Variants in PEX1 observed in about 807,000 individuals in gnomAD.
PEX1 encodes peroxisomal biogenesis factor 1, also known as peroxisomal ATPase PEX1.
A neutral mutation model predicts 152.5 loss-of-function variants in PEX1; 97 were observed. The observed-to-expected ratio is 0.64, with a 90% CI of 0.54 to 0.75. The LOEUF is 0.75. PEX1 is among the 30% of genes least tolerant of loss of function. PEX1 has a pLI of 0.00. For synonymous variants in PEX1, 485 were observed against 531.6 expected (o/e 0.91, Z 1.21); for missense variants, 1,357 against 1,516.3 (o/e 0.89, Z 1.74).
intron 9 of PEX1, 34 bp downstream of exon 9, chr7:92,509,295 T>G: frequency 1.4e-6 from 2 of 1,391,100 alleles, no homozygotes; most frequent in Non-Finnish European, 2.0e-6. Context: ...GTTAAAAACA[T>G]GTCTAACATG....
rs544769885 is a variant in PEX1, at chr7:92,504,174, A to G, written c.2071+558T>C. 6.5e-4 allele frequency among the ~76,000 whole-genome samples: 99 copies of G among 151,880 alleles called. No individual in the cohort carries two copies. The South Asian group carries it at 0.02, about 30-fold the overall frequency. ...AGTTTAGGTTATATGCTCCTACACT[A>G]CTCTGTGTATACTTCTCGCATAGTG... On this transcript the variant is annotated intron_variant, in intron 12 of 23. Transcript: ENST00000248633.
intron 1 of PEX1, among the ~76,000 whole-genome samples, chr7:92,523,855 A>G (rs1422171337): frequency 6.6e-6 from 1 of 152,004 alleles, no homozygotes; most frequent in Non-Finnish European, 1.5e-5. Flanking sequence ...TTATTATATC[A>G]GGAAGCTTCA....
chr7:92,517,371 A>T lies in PEX1; in HGVS notation c.1144T>A (p.Cys382Ser), dbSNP rs1236764060. Residue 382 changes from cysteine (C) to serine (S), a missense_variant, in exon 5 of 24, where the codon TGT (cysteine) becomes AGT (serine). Cys to Ser is a moderately radical substitution (Grantham distance 112, BLOSUM62 -1). Transcript: ENST00000248633. ...SDHNEEDEKA[C>S]VLQVVWNGLE... ...CCATTCCAGACTACTTGTAGCACAC[A>T]GGCCTTCTCATCTTCTTCATTATGA... is the stretch of plus-strand genomic sequence containing the variant. 6.2e-7 allele frequency: 1 copy of T among 1,613,570 alleles called. No individual in the cohort carries two copies. The highest frequency in any genetic ancestry group is 8.5e-7 in the Non-Finnish European group (1 of 1,179,748).
chr7:92,518,676 T>C (rs1792917367), intron 3 of PEX1, among the ~76,000 whole-genome samples: 1 of 152,188 alleles, frequency 6.6e-6, no homozygotes, highest in South Asian at 2.1e-4. Flanking sequence ...CTCAAGCGAT[T>C]CTCCTGCCTC....
At chr7:92,515,025 C>T (rs1299460016) in intron 5 of PEX1, among the ~76,000 whole-genome samples, 2 of 135,808 alleles carry the variant, frequency 1.5e-5, no homozygotes, top group Non-Finnish European at 3.1e-5. Context: ...CCGGCCTGGG[C>T]GACAGAGTGA....
intron 23 of PEX1, among the ~76,000 whole-genome samples, chr7:92,488,405 T>C (rs1180324019): frequency 6.6e-6 from 1 of 152,114 alleles, no homozygotes; most frequent in Non-Finnish European, 1.5e-5. Flanking sequence ...TAACAAAAGG[T>C]AGCAGCTTCT....
chr7:92,521,820 T>C (rs1793062803), intron 2 of PEX1, among the ~76,000 whole-genome samples: 1 of 152,156 alleles, frequency 6.6e-6, no homozygotes, highest in Non-Finnish European at 1.5e-5. Context: ...AAGTAGAACC[T>C]AGTAATTCAG....
rs528728841 is a variant in PEX1 at position 92,487,036 on chromosome 7, T to A, written c.*421A>T. 1 of 154,366 alleles carries A rather than the reference T, an allele frequency of 6.5e-6. No individual in the cohort carries two copies. Among genetic ancestry groups the A allele is most frequent in the East Asian group, 1.9e-4 (1 of 5,260 alleles). 9.6% of individuals were successfully genotyped at this position (154,366 alleles called of 1,614,324 possible). A position where few individuals can be genotyped will look rare whatever the true frequency, so the allele number is the denominator to read the frequency against. On this transcript the variant is annotated 3_prime_UTR_variant, in exon 24 of 24. Coordinates refer to ENST00000248633, the MANE Select transcript of PEX1 (RefSeq NM_000466.3). ...AACAGATAATTGTATCAGTAGGTAATAGGATATTTTATTTCAAAACAGTGA... is the reference window on the plus strand; with the variant it reads ...AACAGATAATTGTATCAGTAGGTAAAAGGATATTTTATTTCAAAACAGTGA...
chr7:92,501,654 C>G lies in PEX1; in HGVS notation c.2436G>C (p.Leu812Phe). 2 of 1,613,450 alleles carry G rather than the reference C, an allele frequency of 1.2e-6. No individual in the cohort carries two copies. The highest frequency in any genetic ancestry group is 1.7e-6 in the Non-Finnish European group (2 of 1,179,500). Residue 812 changes from leucine to phenylalanine, a missense_variant, in exon 15 of 24, where the codon TTG becomes TTC. Transcript: ENST00000248633. The stretch of plus-strand genomic sequence containing the variant: ...ATCCGCGGAGAGCCTTTTGGAAGTC[C>G]AATGTTGTTAAAACTAATTCTGTTT... ...STREKLVLTT[L>F]DFQKALRGFL...
intron 1 of PEX1, among the ~76,000 whole-genome samples, chr7:92,524,266 C>CT (rs912217791): frequency 2.1e-3 from 287 of 136,326 alleles, no homozygotes; most frequent in African/African-American, 4.1e-3. Context: ...ATGTTTCTTG[C>CT]TTTTTTTTTT....
intron 13 of PEX1, among the ~76,000 whole-genome samples, chr7:92,502,667 A>G (rs887342686): frequency 2.0e-5 from 3 of 152,180 alleles, no homozygotes; most frequent in African/African-American, 7.2e-5. Context: ...CCTGGAACAT[A>G]TTTCTTTCAG....
At chr7:92,527,021 T>G (rs1233726407) in intron 1 of PEX1, among the ~76,000 whole-genome samples, 1 of 152,230 alleles carries the variant, frequency 6.6e-6, no homozygotes, top group Non-Finnish European at 1.5e-5. Flanking sequence ...CATTGATAAT[T>G]AGAAAGTAAA....
intron 3 of PEX1, 101 bp from the exon 4 acceptor site, chr7:92,518,356 T>C: frequency 1.3e-6 from 1 of 756,768 alleles, no homozygotes; most frequent in Non-Finnish European, 2.4e-6. Flanking sequence ...CAAATTTTAA[T>C]GTGCATATTT....
At chr7:92,490,877 A>G (rs1791269289) in intron 21 of PEX1, among the ~76,000 whole-genome samples, 1 of 152,238 alleles carries the variant, frequency 6.6e-6, no homozygotes, top group African/African-American at 2.4e-5. Context: ...CAGCAAAAGT[A>G]TCACAGATAA....
chr7:92,524,213 A>C (rs138214652), intron 1 of PEX1, among the ~76,000 whole-genome samples: 2 of 151,786 alleles, frequency 1.3e-5, no homozygotes, highest in African/African-American at 4.8e-5. Flanking sequence ...TCAGTCTCTC[A>C]AAGTGCTGGG....
rs373881731 is a variant in PEX1, at chr7:92,500,846, G to A, written c.2583+661C>T. Among the ~76,000 whole-genome samples the A allele has an allele frequency of 7.3e-4, 111 of 152,180 alleles. 2 individuals are homozygous for A. The highest frequency in any genetic ancestry group is 2.6e-3 in the African/African-American group (106 of 41,512). On this transcript the variant is annotated intron_variant, in intron 15 of 23. Transcript: ENST00000248633. ...TCTCCTTTATCCTGCTATCTGCCTCGTCTATGCCTGCCAAGTCTGCTTTTC... is the reference window on the plus strand; with the variant it reads ...TCTCCTTTATCCTGCTATCTGCCTCATCTATGCCTGCCAAGTCTGCTTTTC...
intron 1 of PEX1, among the ~76,000 whole-genome samples, chr7:92,527,096 T>C (rs1184340476): frequency 6.6e-6 from 1 of 152,226 alleles, no homozygotes; most frequent in Non-Finnish European, 1.5e-5. Flanking sequence ...TAAAGACATT[T>C]ACATTTCAAA....
chr7:92,509,931 G>T lies in PEX1; in HGVS notation c.1588-520C>A, dbSNP rs555444933. Among the ~76,000 whole-genome samples the T allele has an allele frequency of 2.0e-5, 3 of 152,184 alleles. No homozygotes were observed. In the East Asian group the frequency reaches 5.8e-4, roughly 29 times the overall value. On this transcript the variant is annotated intron_variant, in intron 8 of 23. Transcript: ENST00000248633. ...GGCTGAGGAGGGCAGATCACTTGAGGTCAGGAGTTCAAGAGCAGCCTGGCC... is the reference window on the plus strand; with the variant it reads ...GGCTGAGGAGGGCAGATCACTTGAGTTCAGGAGTTCAAGAGCAGCCTGGCC...
Position 92,489,795 on chromosome 7 carries a change from G to GC in PEX1, c.3554dup (p.Cys1185TrpfsTer46), listed in dbSNP as rs1490737876. On this transcript the variant is annotated frameshift_variant, in exon 22 of 24. Transcript: ENST00000248633. LOFTEE classifies it high-confidence loss of function. ...CTCTTTGTTCTTGTGTAAGTTCTTGGCAACCCTCTTGTGAAGCTGTCCTTA... is the reference window on the plus strand; with the variant it reads ...CTCTTTGTTCTTGTGTAAGTTCTTGGCCAACCCTCTTGTGAAGCTGTCCTTA... 6.2e-7 allele frequency: 1 copy of GC among 1,613,792 alleles called. No homozygotes were observed. Among genetic ancestry groups the GC allele is most frequent in the Non-Finnish European group, 8.5e-7 (1 of 1,179,944 alleles).
Sources: gnomAD v4.1 joint callset for allele counts (sites outside exome capture counted in the v4.1 genomes callset) on GRCh38, gnomAD v4.1.1 for gene constraint, MANE v1.5 for transcripts, NCBI Gene and HGNC (gene_info 2026-07-23, HGNC 2026-07-21) for gene names.